The following PBK variants were observed in gnomAD, a reference collection of about 807,000 sequenced individuals.
The protein encoded by PBK is PDZ binding kinase.
Under a neutral mutation model 33.5 loss-of-function variants are expected in PBK, and 22 were observed. That is an observed-to-expected ratio of 0.66 (90% CI 0.47 to 0.94). The LOEUF (loss-of-function observed/expected upper bound fraction) is 0.94. Among genes scored for constraint, PBK ranks in the 40% least tolerant of loss-of-function variants. The pLI, the probability that PBK is intolerant of heterozygous loss-of-function variation, is 0.00. For synonymous variants in PBK, 129 were observed against 123.8 expected (o/e 1.04, Z -0.28); for missense variants, 376 against 383.4 (o/e 0.98, Z 0.16).
At chr8:27,816,301 A>G (rs1481103338) in intron 6 of PBK, among the ~76,000 whole-genome samples, 2 of 150,426 alleles carry the variant, frequency 1.3e-5, no homozygotes, top group Non-Finnish European at 1.5e-5. Flanking sequence ...TTGCAAATTT[A>G]TCTTGAGATA....
chr8:27,835,061 CA>C (rs1806203367), intron 1 of PBK, among the ~76,000 whole-genome samples: 1 of 151,856 alleles, frequency 6.6e-6, no homozygotes, highest in African/African-American at 2.4e-5. Context: ...TATTATAAAG[CA>C]AAACTGTTCC....
At chr8:27,820,440 AG>A (rs1454236332) in intron 6 of PBK, 124 bp downstream of exon 6, 1 of 629,712 alleles carries the variant, frequency 1.6e-6, no homozygotes, top group Non-Finnish European at 2.7e-6. Context: ...AGAGAAAAAA[AG>A]GGGACTTTTT....
chr8:27,816,697 G>A (rs910505236), intron 6 of PBK, among the ~76,000 whole-genome samples: 2 of 151,718 alleles, frequency 1.3e-5, no homozygotes, highest in African/African-American at 2.4e-5. Flanking sequence ...TTTTAGTTGT[G>A]AAATGTTAAT....
At chr8:27,810,899 A>G in intron 7 of PBK, 59 bp downstream of exon 7, 1 of 1,120,406 alleles carries the variant, frequency 8.9e-7, no homozygotes, top group Non-Finnish European at 1.3e-6. Context: ...AGATAAAATT[A>G]TATAATCTTT....
chr8:27,833,041 C>T lies in PBK; in HGVS notation c.58+15G>A. The T allele has an allele frequency of 2.0e-6, 3 of 1,469,372 alleles. No individual in the cohort carries two copies. Among genetic ancestry groups the T allele is most frequent in the Non-Finnish European group, 2.8e-6 (3 of 1,065,666 alleles). 91.0% of individuals were successfully genotyped at this position (1,469,372 alleles called of 1,614,324 possible). A position where few individuals can be genotyped will look rare whatever the true frequency, so the allele number is the denominator to read the frequency against. ...AACAATAGTAAAAAAAAAAATCTTA[C>T]ATCTGCTATCTTACCAGATTTCTTT... On this transcript the variant is annotated intron_variant, in intron 2 of 7. Transcript: ENST00000301905.
intron 6 of PBK, among the ~76,000 whole-genome samples, chr8:27,816,379 TTTAATTTA>T (rs1805814879): frequency 2.4e-5 from 1 of 41,732 alleles, no homozygotes; most frequent in African/African-American, 8.6e-5. Flanking sequence ...ATTTATTTAT[TTTAATTTA>T]TTTTTTTTTG....
chr8:27,832,998 G>A (rs1806157156), intron 2 of PBK, 58 bp downstream of exon 2: 1 of 941,806 alleles, frequency 1.1e-6, no homozygotes, highest in Non-Finnish European at 1.6e-6. Flanking sequence ...ATAATACTAG[G>A]ACATTTCTAA....
At chr8:27,825,327 A>G (rs1014953902) in intron 3 of PBK, among the ~76,000 whole-genome samples, 1 of 152,174 alleles carries the variant, frequency 6.6e-6, no homozygotes, top group Non-Finnish European at 1.5e-5. Flanking sequence ...AGTCCCAGCT[A>G]CTTGGGAGGC....
chr8:27,829,919 G>C (rs1806095844), intron 2 of PBK, among the ~76,000 whole-genome samples: 2 of 150,450 alleles, frequency 1.3e-5, no homozygotes, highest in Admixed American at 1.3e-4. Context: ...AAGATGACAG[G>C]AGGCCAAGAG....
At chr8:27,824,849 A>C (rs1805996320) in intron 3 of PBK, among the ~76,000 whole-genome samples, 1 of 152,226 alleles carries the variant, frequency 6.6e-6, no homozygotes, top group Non-Finnish European at 1.5e-5. Flanking sequence ...AGCAAACTGA[A>C]TCCATCAGTT....
chr8:27,820,809 G>T lies in PBK; in HGVS notation c.466-115C>A. 5 of 545,218 alleles carry T rather than the reference G, an allele frequency of 9.2e-6. No homozygotes were observed. The South Asian group carries it at 9.5e-5, about 10-fold the overall frequency. 33.8% of individuals were successfully genotyped at this position (545,218 alleles called of 1,614,324 possible). ...CTTCCTAAACTCTAGGTTTACATTT[G>T]TCCAGCGTTTCAAAATTTTTTTTTT... On this transcript the variant is annotated intron_variant, in intron 5 of 7. Coordinates refer to ENST00000301905, the MANE Select transcript of PBK (RefSeq NM_018492.4).
At chr8:27,837,308 C>T (rs1806245048) in intron 1 of PBK, among the ~76,000 whole-genome samples, 1 of 152,158 alleles carries the variant, frequency 6.6e-6, no homozygotes, top group Non-Finnish European at 1.5e-5. Context: ...CTGGACACTA[C>T]TGACAAAGCT....
At chr8:27,835,652 A>G (rs1806214740) in intron 1 of PBK, among the ~76,000 whole-genome samples, 1 of 152,078 alleles carries the variant, frequency 6.6e-6, no homozygotes, top group Non-Finnish European at 1.5e-5. Context: ...CCCAGGTTCA[A>G]GCAATTCTCC....
chr8:27,833,217 C>T (rs901149358), intron 1 of PBK, 84 bp from the exon 2 acceptor site: 57 of 671,390 alleles, frequency 8.5e-5, no homozygotes, highest in Non-Finnish European at 1.3e-4. Flanking sequence ...AATAGCCAGG[C>T]GCAGTGGATC....
In PBK at chr8:27,827,319, G is replaced by A. The variant is rs200669434; in HGVS notation, c.152+786C>T. ...TCCCAGCATTTTGGGAGGCGAAGGCGGGCAGATCGCTTGAGGCCAGAGTTC... is the reference window on the plus strand; with the variant it reads ...TCCCAGCATTTTGGGAGGCGAAGGCAGGCAGATCGCTTGAGGCCAGAGTTC... On this transcript the variant is annotated intron_variant, in intron 3 of 7. Coordinates refer to ENST00000301905, the MANE Select transcript of PBK (RefSeq NM_018492.4). Among the ~76,000 whole-genome samples, 24 of 152,272 alleles carry A rather than the reference G, an allele frequency of 1.6e-4. No individual in the cohort carries two copies. The East Asian group carries it at 2.3e-3, about 15-fold the overall frequency.
intron 2 of PBK, among the ~76,000 whole-genome samples, chr8:27,831,576 A>G (rs1309110119): frequency 6.6e-6 from 1 of 152,082 alleles, no homozygotes; most frequent in Non-Finnish European, 1.5e-5. Context: ...CACCGTACCC[A>G]GTAAGAGTAG....
chr8:27,817,205 C>A (rs976089218), intron 6 of PBK, among the ~76,000 whole-genome samples: 48 of 152,122 alleles, frequency 3.2e-4, no homozygotes, highest in African/African-American at 1.1e-3. Context: ...GTGAGAAAGC[C>A]AGATCAAATT....
At chr8:27,811,846 G>A (rs1045792208) in intron 6 of PBK, 1 of 152,064 alleles carries the variant, frequency 6.6e-6, no homozygotes, top group Non-Finnish European at 1.5e-5. Flanking sequence ...TCATTACAGA[G>A]GTTTTAGACT....
At chr8:27,836,595 A>G (rs963034283) in intron 1 of PBK, among the ~76,000 whole-genome samples, 3 of 152,096 alleles carry the variant, frequency 2.0e-5, no homozygotes, top group Non-Finnish European at 2.9e-5. Flanking sequence ...ATGAAAAACA[A>G]AGCAACCAAG....
Sources: gnomAD v4.1 joint callset for allele counts (sites outside exome capture counted in the v4.1 genomes callset) on GRCh38, gnomAD v4.1.1 for gene constraint, MANE v1.5 for transcripts, NCBI Gene and HGNC (gene_info 2026-07-23, HGNC 2026-07-21) for gene names.